Variants in KDM5C observed in about 807,000 individuals in gnomAD.
KDM5C encodes lysine-specific demethylase 5C.
Under a neutral mutation model 110.6 loss-of-function variants are expected in KDM5C, and 16 were observed. The observed-to-expected ratio is 0.14, with a 90% CI of 0.10 to 0.22. KDM5C has a LOEUF of 0.22. Ranked by LOEUF, KDM5C falls within the 10% of genes least tolerant of loss-of-function variation. The pLI, the probability that KDM5C is intolerant of heterozygous loss-of-function variation, is 1.00. For missense variants in KDM5C, 681 were observed against 1,300.9 expected, an observed-to-expected ratio of 0.52 and a Z score of 7.33; for synonymous variants, 511 against 520.4, an observed-to-expected ratio of 0.98 and a Z score of 0.24.
intron 25 of KDM5C, among the ~76,000 whole-genome samples, chrX:53,180,378 GCCCATA>G (rs782611510): frequency 1.8e-3 from 197 of 111,410 alleles, no homozygotes; most frequent in Middle Eastern, 9.2e-3. Context: ...ATTTGTCAAA[GCCCATA>G]GAGTGTACAA....
At chrX:53,209,913 A>G (rs782046605) in intron 12 of KDM5C, among the ~76,000 whole-genome samples, 6 of 112,647 alleles carry the variant, frequency 5.3e-5, no homozygotes, top group Middle Eastern at 4.6e-3. Flanking sequence ...AGAGTATACA[A>G]AGTATGGCAG....
chrX:53,218,022 G>C (rs1602230765), intron 3 of KDM5C, 56 bp from the exon 4 acceptor site: 1 of 1,145,120 alleles, frequency 8.7e-7, no homozygotes, highest in East Asian at 3.0e-5. Flanking sequence ...ATATGTGAGG[G>C]AGTAGGCCTG....
At chrX:53,207,596 A>T (rs1438601033) in intron 12 of KDM5C, among the ~76,000 whole-genome samples, 2 of 112,135 alleles carry the variant, frequency 1.8e-5, no homozygotes, top group Non-Finnish European at 3.8e-5. Context: ...TTTACAGTGG[A>T]GAGAATAGGG....
At chrX:53,217,481 C>G (rs1412469334) in intron 4 of KDM5C, among the ~76,000 whole-genome samples, 1 of 111,527 alleles carries the variant, frequency 9.0e-6, no homozygotes, top group Non-Finnish European at 1.9e-5. Flanking sequence ...TCACTCCTCC[C>G]TTCCAGTCAC....
downstream of KDM5C, among the ~76,000 whole-genome samples, chrX:53,189,306 AG>A (rs782252778): frequency 1.1e-3 from 124 of 111,999 alleles, no homozygotes; most frequent in African/African-American, 3.9e-3. Flanking sequence ...CCTTCTGTCT[AG>A]CACAGGCCTT....
Position 53,210,480 on chromosome X carries a change from C to T in KDM5C, c.1680G>A (p.Gln560=), listed in dbSNP as rs1354179309. The change falls in exon 12 of 26, where the codon CAG becomes CAA. Residue 560 remains glutamine (Q), a synonymous_variant. Coordinates refer to ENST00000375401, the MANE Select transcript of KDM5C (RefSeq NM_004187.5). ...TGACAAGTTGGTGCAGGAGGTCAGG[C>T]TGGCTATCAAATAGTTCAGGTGTCA... ...KKLTPELFDS[Q]PDLLHQLVTL... 8.3e-7 allele frequency: 1 copy of T among 1,210,570 alleles called. No homozygotes were observed. Among genetic ancestry groups the T allele is most frequent in the Admixed American group, 2.2e-5 (1 of 45,853 alleles).
intron 19 of KDM5C, among the ~76,000 whole-genome samples, chrX:53,196,374 GGTCT>G (rs1934859713): frequency 8.9e-6 from 1 of 112,313 alleles, no homozygotes; most frequent in Non-Finnish European, 1.9e-5. Flanking sequence ...CCCTGTGTGG[GGTCT>G]TTCTACCAAC....
At chrX:53,205,125 G>A (rs782537723) in intron 12 of KDM5C, among the ~76,000 whole-genome samples, 2 of 112,111 alleles carry the variant, frequency 1.8e-5, no homozygotes, top group East Asian at 5.6e-4. Flanking sequence ...CATCTTTACT[G>A]AGAAGTCTCA....
At chrX:53,176,883 TA>T (rs1210851118) in intron 25 of KDM5C, among the ~76,000 whole-genome samples, 2 of 112,158 alleles carry the variant, frequency 1.8e-5, no homozygotes, top group South Asian at 7.3e-4. Context: ...GGTAAAATGT[TA>T]AAGAAAAGTA....
rs1569255771 is a variant in KDM5C at position 53,192,860 on chromosome X, C to CA, written c.*106dup. The CA allele has an allele frequency of 1.5e-6, 1 of 675,402 alleles. No homozygotes were observed. Among genetic ancestry groups the CA allele is most frequent in the Non-Finnish European group, 2.0e-6 (1 of 507,081 alleles). 55.7% of individuals were successfully genotyped at this position (675,402 alleles called of 1,213,427 possible). A position where few individuals can be genotyped will look rare whatever the true frequency, so the allele number is the denominator to read the frequency against. ...GGGGTGGGCGGGTAGCAGGGATGGC[C>CA]ACCCCCCTACCCGCCCACCCCCCAA... On this transcript the variant is annotated 3_prime_UTR_variant, in exon 26 of 26. Coordinates refer to ENST00000375401, the MANE Select transcript of KDM5C (RefSeq NM_004187.5).
At chrX:53,222,231 A>G (rs782157604) in intron 1 of KDM5C, among the ~76,000 whole-genome samples, 6 of 108,612 alleles carry the variant, frequency 5.5e-5, no homozygotes, top group Admixed American at 9.8e-5. Context: ...AAAACTGTTG[A>G]CCTCTTCTGC....
At chrX:53,195,823 C>T in intron 20 of KDM5C, 93 bp downstream of exon 20, 1 of 1,035,401 alleles carries the variant, frequency 9.7e-7, no homozygotes, top group Non-Finnish European at 1.3e-6. Flanking sequence ...CCAGCCAACC[C>T]AACCCATCCC....
At position 53,217,295 on chromosome X, in the gene KDM5C, G is replaced by T. The variant is rs1279571125; in HGVS notation, c.523-18C>A. 8.3e-7 allele frequency: 1 copy of T among 1,207,923 alleles called. No individual in the cohort carries two copies. The highest frequency in any genetic ancestry group is 1.8e-5 in the African/African-American group (1 of 56,889). ...TTACACTGCTGGGGACAGGTAAGGG[G>T]TAAGGGTCAGGACATGGACTCCAGC... On this transcript the variant is annotated intron_variant, in intron 4 of 25. Transcript: ENST00000375401.
In KDM5C at chrX:53,224,908, G is replaced by C. The variant is rs2076185639; in HGVS notation, c.-19C>G. 1 of 1,195,705 alleles carries C rather than the reference G, an allele frequency of 8.4e-7. No individual in the cohort carries two copies. Among genetic ancestry groups the C allele is most frequent in the Non-Finnish European group, 1.1e-6 (1 of 886,643 alleles). ...GCTCCATGGTGGGCCCGAGGTCTGGGCCAGGGATCGGGAGGCTTGGACCGC... is the reference window on the plus strand; with the variant it reads ...GCTCCATGGTGGGCCCGAGGTCTGGCCCAGGGATCGGGAGGCTTGGACCGC... On this transcript the variant is annotated 5_prime_UTR_variant, in exon 1 of 26. Transcript: ENST00000375401.
Position 53,207,256 on chromosome X carries a change from A to ATATTT in KDM5C, c.1746+3153_1746+3157dup, listed in dbSNP as rs782631951. ...AGAAACAGGTAAAATTAAGTTAAAT[A>ATATTT]TATTTTATTTAACTTAACATATCCA... On this transcript the variant is annotated intron_variant, in intron 12 of 25. Coordinates refer to ENST00000375401, the MANE Select transcript of KDM5C (RefSeq NM_004187.5). 3.5e-3 allele frequency among the ~76,000 whole-genome samples: 390 copies of ATATTT among 110,854 alleles called. 3 individuals are homozygous for ATATTT. The highest frequency in any genetic ancestry group is 0.012 in the African/African-American group (376 of 30,485).
At chrX:53,221,019 C>T (rs2073881148) in intron 1 of KDM5C, 103 bp from the exon 2 acceptor site, 1 of 668,628 alleles carries the variant, frequency 1.5e-6, no homozygotes. Flanking sequence ...CTTCCCAAAC[C>T]TCTAGCCACT....
downstream of KDM5C, among the ~76,000 whole-genome samples, chrX:53,190,553 TCTC>T (rs1395372993): frequency 1.8e-5 from 2 of 111,566 alleles, no homozygotes; most frequent in Non-Finnish European, 3.8e-5. Flanking sequence ...CACACTCATC[TCTC>T]CTGTCAGCTC....
intron 1 of KDM5C, among the ~76,000 whole-genome samples, chrX:53,223,757 T>C (rs1459616467): frequency 2.7e-5 from 3 of 111,416 alleles, no homozygotes; most frequent in African/African-American, 9.8e-5. Context: ...GGGACAGAAT[T>C]CCATGGCTCC....
intron 2 of KDM5C, among the ~76,000 whole-genome samples, chrX:53,220,596 A>T: frequency 8.9e-6 from 1 of 112,458 alleles, no homozygotes; most frequent in Non-Finnish European, 1.9e-5. Context: ...TGAGAAAGGG[A>T]TATATGTCCC....
Sources: gnomAD v4.1 joint callset for allele counts (sites outside exome capture counted in the v4.1 genomes callset) on GRCh38, gnomAD v4.1.1 for gene constraint, MANE v1.5 for transcripts, NCBI Gene and HGNC (gene_info 2026-07-23, HGNC 2026-07-21) for gene names.